The following CLASP1 variants were observed in gnomAD, a reference collection of about 807,000 sequenced individuals.
The protein encoded by CLASP1 is cytoplasmic linker associated protein 1.
In CLASP1, 38 loss-of-function variants were observed where a neutral mutation model predicts 192.3. That is an observed-to-expected ratio of 0.20 (90% CI 0.15 to 0.26). CLASP1 has a LOEUF of 0.26. Among genes scored for constraint, CLASP1 ranks in the 10% least tolerant of loss-of-function variants. CLASP1 has a pLI of 1.00. For synonymous variants in CLASP1, 691 were observed against 712.8 expected (o/e 0.97, Z 0.49); for missense variants, 1,433 against 1,932.5 (o/e 0.74, Z 4.85).
chr2:121,521,901 G>A (rs985571739), intron 6 of CLASP1, among the ~76,000 whole-genome samples: 2 of 152,146 alleles, frequency 1.3e-5, no homozygotes, highest in African/African-American at 4.8e-5. Context: ...TAGTTATGGG[G>A]CATTGGGAAC....
At chr2:121,559,802 A>C (rs1195408579) in intron 2 of CLASP1, among the ~76,000 whole-genome samples, 2 of 152,192 alleles carry the variant, frequency 1.3e-5, no homozygotes, top group African/African-American at 2.4e-5. Flanking sequence ...ATACAAAAAA[A>C]CCACTTAATT....
chr2:121,478,675 CACACACACA>C (rs2092006775), intron 8 of CLASP1, among the ~76,000 whole-genome samples: 5 of 88,516 alleles, frequency 5.6e-5, no homozygotes, highest in East Asian at 4.2e-4. Flanking sequence ...CCACACACAC[CACACACACA>C]CCCCACACAC....
At chr2:121,458,940 T>C (rs2087263803) in exon 13 of CLASP1, 4 of 1,612,802 alleles carry the variant, frequency 2.5e-6, no homozygotes, top group Non-Finnish European at 3.4e-6. Flanking sequence ...TTCAGCTCCA[T>C]GGTCAAACTT....
In CLASP1 at chr2:121,530,903, G is replaced by C. The variant is rs754423211; in HGVS notation, c.196-578C>G. ...ATAACCATCCTTTTCTTGGGGTTGC[G>C]CTACTGTCCAATGAGCGCATAGTGA... is the stretch of plus-strand genomic sequence containing the variant. On this transcript the variant is annotated intron_variant, in intron 2 of 39. Coordinates refer to ENST00000263710, the Ensembl canonical transcript of CLASP1. 2.0e-5 allele frequency: 14 copies of C among 695,272 alleles called. No individual in the cohort carries two copies. Among genetic ancestry groups the C allele is most frequent in the African/African-American group, 3.5e-5 (2 of 57,066 alleles). The allele number at this position is 695,272 out of a possible 1,614,324, so 43.1% of individuals were successfully genotyped here.
chr2:121,569,028 T>A (rs952863864), intron 2 of CLASP1, among the ~76,000 whole-genome samples: 1 of 151,840 alleles, frequency 6.6e-6, no homozygotes, highest in Non-Finnish European at 1.5e-5. Context: ...AAATGTTCAA[T>A]CCCTCATTAT....
chr2:121,417,929 G>T (rs10496567), intron 23 of CLASP1, among the ~76,000 whole-genome samples: 44,995 of 152,108 alleles, frequency 0.3, 10,566 homozygotes, highest in African/African-American at 0.65. Context: ...CTACGTCTAA[G>T]TATTATAAAA....
chr2:121,385,446 C>A (rs958265986), intron 32 of CLASP1, among the ~76,000 whole-genome samples: 5 of 152,170 alleles, frequency 3.3e-5, no homozygotes, highest in Non-Finnish European at 5.9e-5. Flanking sequence ...TGATCTGTAA[C>A]TATAAATACA....
chr2:121,401,801 A>T, intron 27 of CLASP1, 67 bp downstream of exon 28: 1 of 815,508 alleles, frequency 1.2e-6, no homozygotes. Flanking sequence ...ACTGTTAACA[A>T]CTGTTCATAG....
intron 6 of CLASP1, among the ~76,000 whole-genome samples, chr2:121,525,630 C>T (rs1446463035): frequency 6.6e-6 from 1 of 151,512 alleles, no homozygotes; most frequent in Non-Finnish European, 1.5e-5. Context: ...ACAGACTGGC[C>T]ACCACATTTA....
chr2:121,596,349 G>C (rs1216966795), intron 2 of CLASP1, among the ~76,000 whole-genome samples: 2 of 152,216 alleles, frequency 1.3e-5, no homozygotes, highest in Non-Finnish European at 2.9e-5. Context: ...GACAGTCTCT[G>C]AAAAGATGTG....
At chr2:121,563,061 T>C (rs1389428384) in intron 2 of CLASP1, among the ~76,000 whole-genome samples, 1 of 152,084 alleles carries the variant, frequency 6.6e-6, no homozygotes, top group Non-Finnish European at 1.5e-5. Context: ...GGTGTCACAC[T>C]CCTAAGGTGT....
intron 2 of CLASP1, among the ~76,000 whole-genome samples, chr2:121,565,441 A>T (rs1197229050): frequency 6.6e-6 from 1 of 152,216 alleles, no homozygotes; most frequent in East Asian, 1.9e-4. Flanking sequence ...CCCATGCAGC[A>T]GCTGTGTTCA....
chr2:121,567,940 G>A (rs2059648727), intron 2 of CLASP1, among the ~76,000 whole-genome samples: 1 of 152,150 alleles, frequency 6.6e-6, no homozygotes, highest in Non-Finnish European at 1.5e-5. Context: ...AGATGGGGTT[G>A]GGAAGCTGGT....
At chr2:121,396,234 T>C in intron 30 of CLASP1, among the ~76,000 whole-genome samples, 1 of 152,140 alleles carries the variant, frequency 6.6e-6, no homozygotes, top group East Asian at 1.9e-4. Context: ...AGGAGTTAAG[T>C]ACACCTCACA....
rs556258799 is a variant in CLASP1 at position 121,594,485 on chromosome 2, C to T, written c.195+11216G>A. On this transcript the variant is annotated intron_variant, in intron 2 of 39. Coordinates refer to ENST00000263710, the Ensembl canonical transcript of CLASP1. ...TCAGGTCACTGCAACCTCCGCCTCC[C>T]GGGTTCACACCATTCTCCTGCCTCA... is the stretch of plus-strand genomic sequence containing the variant. Among the ~76,000 whole-genome samples the T allele has an allele frequency of 8.6e-5, 13 of 150,962 alleles. No homozygotes were observed. In the East Asian group the frequency reaches 2.0e-3, roughly 23 times the overall value.
At chr2:121,550,026 A>C (rs1226903930) in intron 2 of CLASP1, among the ~76,000 whole-genome samples, 1 of 151,250 alleles carries the variant, frequency 6.6e-6, no homozygotes, top group South Asian at 2.1e-4. Flanking sequence ...AAAAAAAAAA[A>C]ACCTGAAATC....
chr2:121,409,757 C>T (rs1161649722), intron 24 of CLASP1, among the ~76,000 whole-genome samples: 1 of 152,188 alleles, frequency 6.6e-6, no homozygotes, highest in East Asian at 1.9e-4. Flanking sequence ...CAAACAGCTT[C>T]AGATAATTCT....
intron 1 of CLASP1, among the ~76,000 whole-genome samples, chr2:121,621,307 T>C (rs2067309400): frequency 6.6e-6 from 1 of 152,180 alleles, no homozygotes; most frequent in Non-Finnish European, 1.5e-5. Flanking sequence ...GTTGTTTTTT[T>C]CTTTTTTAAT....
intron 39 of CLASP1, 24 bp downstream of exon 40, chr2:121,347,014 C>T (rs1340392858): frequency 1.4e-6 from 2 of 1,427,490 alleles, no homozygotes; most frequent in Admixed American, 4.0e-5. Flanking sequence ...GTGTGCGTAT[C>T]AGCCCAGGTA....
Sources: allele counts gnomAD v4.1 joint callset (sites outside exome capture counted in the v4.1 genomes callset), GRCh38; gene constraint gnomAD v4.1.1; transcripts MANE v1.5; gene names NCBI Gene and HGNC (gene_info 2026-07-23, HGNC 2026-07-21).